Variants in POTEJ observed in about 807,000 individuals in gnomAD.
The protein encoded by POTEJ is POTE ankyrin domain family, member J.
Under a neutral mutation model 69.0 loss-of-function variants are expected in POTEJ, and 11 were observed. The ratio of observed to expected loss-of-function variants is 0.16; its 90% confidence interval spans 0.10 to 0.26. The LOEUF (loss-of-function observed/expected upper bound fraction) is 0.26, where lower values mean the gene tolerates loss of function less well. Among genes scored for constraint, POTEJ ranks in the 10% least tolerant of loss-of-function variants. The pLI is 1.00. For missense variants in POTEJ, 327 were observed against 1,045.5 expected (o/e 0.31, Z 9.48); for synonymous variants, 117 against 381.1 (o/e 0.31, Z 8.07).
chr2:130,651,782 T>C (rs1686814385), intron 13 of POTEJ, among the ~76,000 whole-genome samples: 1 of 144,996 alleles, frequency 6.9e-6, no homozygotes. Context: ...GATATTGTTA[T>C]GCATTTTTAT....
chr2:130,624,336 C>T (rs1403499271), intron 6 of POTEJ, among the ~76,000 whole-genome samples: 1 of 141,094 alleles, frequency 7.1e-6, no homozygotes, highest in Non-Finnish European at 1.5e-5. Flanking sequence ...ACACAACTTA[C>T]CATAATGTAG....
At chr2:130,649,416 T>C (rs1402012492) in intron 13 of POTEJ, among the ~76,000 whole-genome samples, 2 of 152,226 alleles carry the variant, frequency 1.3e-5, no homozygotes, top group Non-Finnish European at 2.9e-5. Flanking sequence ...TCTTGTCAGG[T>C]CTATCTGAAG....
At chr2:130,634,668 AT>A (rs1378438043) in intron 9 of POTEJ, among the ~76,000 whole-genome samples, 1 of 132,454 alleles carries the variant, frequency 7.5e-6, no homozygotes, top group African/African-American at 3.0e-5. Flanking sequence ...TTTAAAATAT[AT>A]TATTGTTATA....
In POTEJ at chr2:130,626,823, G is replaced by A. The variant is rs1228523354; in HGVS notation, c.1015+2689G>A. Among the ~76,000 whole-genome samples the A allele has an allele frequency of 3.9e-5, 6 of 152,276 alleles. No individual in the cohort carries two copies. The East Asian group carries it at 1.2e-3, about 29-fold the overall frequency. On this transcript the variant is annotated intron_variant, in intron 6 of 14. Transcript: ENST00000409602. The stretch of plus-strand genomic sequence containing the variant: ...TCTCAACTACTTGTTTTAATATGTT[G>A]GCCTTTGTTTTTTTGGTGTTATGCT...
At chr2:130,650,037 G>A (rs1686749079) in intron 13 of POTEJ, among the ~76,000 whole-genome samples, 1 of 152,270 alleles carries the variant, frequency 6.6e-6, no homozygotes, top group Non-Finnish European at 1.5e-5. Context: ...AGGACTAACA[G>A]AAAGGAATTA....
intron 6 of POTEJ, among the ~76,000 whole-genome samples, chr2:130,628,471 TAATGCCTA>T (rs1209193434): frequency 1.2e-5 from 1 of 84,026 alleles, no homozygotes; most frequent in Non-Finnish European, 2.3e-5. Context: ...TTTTAAACCC[TAATGCCTA>T]GCATGTATTT....
intron 5 of POTEJ, chr2:130,623,057 A>C (rs1229031703): frequency 7.0e-6 from 1 of 143,320 alleles, no homozygotes; most frequent in Non-Finnish European, 1.5e-5. Context: ...CTGCTGCAAA[A>C]ATAGTCATGT....
intron 1 of POTEJ, among the ~76,000 whole-genome samples, chr2:130,613,715 TAATAA>T (rs1157401751): frequency 1.5e-5 from 2 of 134,302 alleles, no homozygotes; most frequent in African/African-American, 6.4e-5. Flanking sequence ...TATGCAGACA[TAATAA>T]AATAAGCTCA....
rs758700528 is a variant in POTEJ, at chr2:130,657,432, C to T, written c.2672C>T (p.Ala891Val). ...YVALDFEQEM[A>V]MVASSSSLEK... ...GCCCTGGACTTCGAGCAGGAGATGG[C>T]CATGGTGGCCTCCAGCTCCTCCCTA... The change falls in exon 15 of 15, where the codon GCC becomes GTC. Residue 891 changes from alanine to valine, a missense_variant. Ala to Val is a moderately conservative substitution (Grantham distance 64). Coordinates refer to ENST00000409602, the MANE Select transcript of POTEJ (RefSeq NM_001277083.2). 6 of 1,600,374 alleles carry T rather than the reference C, an allele frequency of 3.7e-6. No individual in the cohort carries two copies. In the South Asian group the frequency reaches 6.6e-5, roughly 18 times the overall value.
chr2:130,618,825 A>G (rs907749305), intron 3 of POTEJ, among the ~76,000 whole-genome samples: 3 of 97,534 alleles, frequency 3.1e-5, no homozygotes, highest in African/African-American at 1.5e-4. Context: ...TCTGTTTCCC[A>G]GGCTGGAATG....
At chr2:130,625,476 T>C (rs1473676692) in intron 6 of POTEJ, among the ~76,000 whole-genome samples, 4 of 151,938 alleles carry the variant, frequency 2.6e-5, no homozygotes, top group East Asian at 3.8e-4. Flanking sequence ...TTATTATATA[T>C]TGATTATGTG....
At chr2:130,618,481 G>C (rs1411428533) in intron 3 of POTEJ, among the ~76,000 whole-genome samples, 1 of 149,402 alleles carries the variant, frequency 6.7e-6, no homozygotes, top group Non-Finnish European at 1.5e-5. Context: ...GTGCATGGCT[G>C]TAGTCCCAGC....
chr2:130,645,640 A>T (rs1686551951), intron 11 of POTEJ, 97 bp from the exon 12 acceptor site: 1 of 283,360 alleles, frequency 3.5e-6, no homozygotes. Flanking sequence ...ATACTTGATT[A>T]CTTCAGAATA....
At chr2:130,617,425 G>GT (rs543401823) in intron 3 of POTEJ, among the ~76,000 whole-genome samples, 187 bp downstream of exon 3, 2 of 5,184 alleles carry the variant, frequency 3.9e-4, no homozygotes, top group South Asian at 2.7e-3. Flanking sequence ...AGAGGGTACA[G>GT]TTTTTTTTTT....
At chr2:130,640,060 G>C (rs1686289423) in intron 10 of POTEJ, among the ~76,000 whole-genome samples, 1 of 150,150 alleles carries the variant, frequency 6.7e-6, no homozygotes, top group African/African-American at 2.5e-5. Flanking sequence ...GTGATGAGGA[G>C]TGAAAGCTTT....
intron 10 of POTEJ, among the ~76,000 whole-genome samples, chr2:130,639,155 G>A (rs1389339883): frequency 5.9e-5 from 9 of 152,300 alleles, no homozygotes; most frequent in African/African-American, 2.2e-4. Flanking sequence ...AAGCTTCCCT[G>A]GCTTGCCTGC....
intron 13 of POTEJ, among the ~76,000 whole-genome samples, chr2:130,646,551 G>A (rs1679675999): frequency 6.9e-6 from 1 of 143,934 alleles, no homozygotes; most frequent in African/African-American, 2.7e-5. Flanking sequence ...TCTCTTTTCA[G>A]TGAACTTTTA....
intron 6 of POTEJ, among the ~76,000 whole-genome samples, chr2:130,624,769 T>C (rs1389934530): frequency 2.0e-5 from 3 of 152,048 alleles, no homozygotes; most frequent in East Asian, 3.8e-4. Context: ...GCACAAGTCA[T>C]GTTACATATG....
intron 9 of POTEJ, among the ~76,000 whole-genome samples, chr2:130,637,006 G>A (rs974308041): frequency 6.8e-6 from 1 of 146,914 alleles, no homozygotes; most frequent in African/African-American, 2.5e-5. Context: ...ATGAACCCGG[G>A]AGGCGGAGCT....
Sources: allele counts gnomAD v4.1 joint callset (sites outside exome capture counted in the v4.1 genomes callset), GRCh38; gene constraint gnomAD v4.1.1; transcripts MANE v1.5; gene names NCBI Gene and HGNC (gene_info 2026-07-23, HGNC 2026-07-21).